The following AK3 variants were observed in gnomAD, a reference collection of about 807,000 sequenced individuals.
The protein encoded by AK3 is GTP:AMP phosphotransferase AK3, mitochondrial.
In AK3, 27 loss-of-function variants were observed where a neutral mutation model predicts 23.7. The observed-to-expected ratio is 1.14, with a 90% confidence interval of 0.84 to 1.57. The LOEUF is 1.57. Among genes scored for constraint, AK3 ranks in the 40% most tolerant of loss-of-function variants. The probability of loss-of-function intolerance (pLI) is 0.00; values close to 1 mark genes in which losing one functional copy is unlikely to be tolerated. For synonymous variants in AK3, 159 were observed against 116.0 expected (o/e 1.37, Z -2.38); for missense variants, 406 against 285.6 (o/e 1.42, Z -3.04).
rs10758645 is a variant in AK3 at position 4,722,685 on chromosome 9, C to A, written c.152-60G>T. 1.0e-5 allele frequency: 16 copies of A among 1,607,492 alleles called. No individual in the cohort carries two copies. In the East Asian group the frequency reaches 2.2e-4, roughly 22 times the overall value. Reference sequence around the variant, plus strand: ...ATTTGTTTTATCCCATTCCAGGCACCTCGGAACGAGTTGCCTAAAGGGGAA... The same window carrying A: ...ATTTGTTTTATCCCATTCCAGGCACATCGGAACGAGTTGCCTAAAGGGGAA... On this transcript the variant is annotated intron_variant, in intron 1 of 4. Coordinates refer to ENST00000381809, the MANE Select transcript of AK3 (RefSeq NM_016282.4).
intron 4 of AK3, among the ~76,000 whole-genome samples, chr9:4,717,685 A>G (rs954308060): frequency 1.3e-5 from 2 of 152,238 alleles, no homozygotes; most frequent in African/African-American, 4.8e-5. Context: ...TTTCAATTTC[A>G]GTACAATATT....
chr9:4,720,301 T>G (rs1311252162), intron 2 of AK3, among the ~76,000 whole-genome samples: 2 of 152,192 alleles, frequency 1.3e-5, no homozygotes, highest in Non-Finnish European at 2.9e-5. Flanking sequence ...GATCACAAAC[T>G]TCTGACTTTG....
At chr9:4,723,089 A>AAAAACG (rs1430255369) in intron 1 of AK3, among the ~76,000 whole-genome samples, 1 of 152,234 alleles carries the variant, frequency 6.6e-6, no homozygotes, top group African/African-American at 2.4e-5. Flanking sequence ...AAACAAAAAC[A>AAAAACG]AAGGTTACAA....
At chr9:4,740,577 G>C (rs952162034) in intron 1 of AK3, among the ~76,000 whole-genome samples, 1 of 152,196 alleles carries the variant, frequency 6.6e-6, no homozygotes, top group African/African-American at 2.4e-5. Flanking sequence ...GTCTTCCAAA[G>C]GCACCAGCAC....
Position 4,710,240 on chromosome 9 carries a change from C to T in AK3, c.*2736G>A, listed in dbSNP as rs1214394128. On this transcript the variant is annotated 3_prime_UTR_variant, in exon 5 of 5. Coordinates refer to ENST00000381809, the MANE Select transcript of AK3 (RefSeq NM_016282.4). ...CTTTTTTTTTTGAGACGGAGTCTCC[C>T]TCTGTCGCCCAGGCTGGAGTGCAGT... 6.6e-6 allele frequency: 1 copy of T among 152,278 alleles called. No homozygotes were observed. Among genetic ancestry groups the T allele is most frequent in the Non-Finnish European group, 1.5e-5 (1 of 68,144 alleles). The allele number at this position is 152,278 out of a possible 1,614,324, so 9.4% of individuals were successfully genotyped here.
At chr9:4,738,903 C>T (rs1842359050) in intron 1 of AK3, among the ~76,000 whole-genome samples, 1 of 151,704 alleles carries the variant, frequency 6.6e-6, no homozygotes, top group African/African-American at 2.4e-5. Flanking sequence ...TCCAGAGAAG[C>T]TGGGACCACA....
intron 4 of AK3, among the ~76,000 whole-genome samples, chr9:4,717,456 T>C (rs1246185703): frequency 1.3e-5 from 2 of 152,214 alleles, no homozygotes; most frequent in East Asian, 1.9e-4. Flanking sequence ...AGGGATTAGC[T>C]GCCATCTGAG....
Position 4,718,438 on chromosome 9 carries a change from G to A in AK3, c.544C>T (p.Pro182Ser). The stretch of plus-strand genomic sequence containing the variant: ...ACTCACTGGTAATATTCCAGGACTG[G>A]CTTTGTTTGGTCTTCATAAGCCTTT... The part of the protein sequence containing the change: ...RLKAYEDQTK[P>S]VLEYYQKKGV... Residue 182 changes from proline to serine, a missense_variant, in exon 4 of 5, where the codon CCA becomes TCA. Physicochemically the swap from Pro to Ser is moderately conservative, Grantham distance 74. Transcript: ENST00000381809. The A allele has an allele frequency of 6.2e-7, 1 of 1,612,448 alleles. No individual in the cohort carries two copies. Among genetic ancestry groups the A allele is most frequent in the Non-Finnish European group, 8.5e-7 (1 of 1,179,554 alleles).
intron 2 of AK3, among the ~76,000 whole-genome samples, chr9:4,721,005 G>C (rs1841881032): frequency 1.3e-5 from 2 of 151,988 alleles, no homozygotes; most frequent in African/African-American, 2.4e-5. Context: ...CCCACAAATG[G>C]GAATGTTTTT....
rs764825590 is a variant in AK3 at position 4,719,297 on chromosome 9, C to A, written c.282G>T (p.Arg94Ser). 1 of 1,429,668 alleles carries A rather than the reference C, an allele frequency of 7.0e-7. No individual in the cohort carries two copies. The highest frequency in any genetic ancestry group is 9.3e-7 in the Non-Finnish European group (1 of 1,070,578). The allele number at this position is 1,429,668 out of a possible 1,614,324, so 88.6% of individuals were successfully genotyped here. A position where few individuals can be genotyped will look rare whatever the true frequency, so the allele number is the denominator to read the frequency against. The change falls in exon 3 of 5, where the codon AGG becomes AGT. Residue 94 changes from arginine (R) to serine (S), a missense_variant. Physicochemically the swap from Arg to Ser is moderately radical, Grantham distance 110. Coordinates refer to ENST00000381809, the MANE Select transcript of AK3 (RefSeq NM_016282.4). ...CTAGGGCTTCTGCCTGTGGAAGTGT[C>A]CTTGGAAAACCTTTATAAAGTAAAA... The part of the protein sequence containing the change: ...QYSWLLDGFP[R>S]TLPQAEALDR...
intron 1 of AK3, among the ~76,000 whole-genome samples, chr9:4,737,898 C>G (rs1181657627): frequency 2.0e-5 from 3 of 152,074 alleles, no homozygotes; most frequent in African/African-American, 7.2e-5. Flanking sequence ...TAAACCTTAG[C>G]TATAAAATAC....
At chr9:4,723,493 T>C (rs577864074) in intron 1 of AK3, among the ~76,000 whole-genome samples, 10 of 152,330 alleles carry the variant, frequency 6.6e-5, no homozygotes, top group African/African-American at 1.4e-4. Context: ...AAATGATTTA[T>C]GAACAATTTA....
intron 1 of AK3, among the ~76,000 whole-genome samples, chr9:4,738,905 G>C (rs927250465): frequency 6.6e-6 from 1 of 151,186 alleles, no homozygotes; most frequent in Non-Finnish European, 1.5e-5. Context: ...CAGAGAAGCT[G>C]GGACCACAGG....
rs1201032436 is a variant in AK3, at chr9:4,741,153, C to T, written c.-66G>A. 4 of 1,332,118 alleles carry T rather than the reference C, an allele frequency of 3.0e-6. No homozygotes were observed. Among genetic ancestry groups the T allele is most frequent in the Non-Finnish European group, 3.9e-6 (4 of 1,038,920 alleles). 82.5% of individuals were successfully genotyped at this position (1,332,118 alleles called of 1,614,324 possible). On this transcript the variant is annotated 5_prime_UTR_variant, in exon 1 of 5. Coordinates refer to ENST00000381809, the MANE Select transcript of AK3 (RefSeq NM_016282.4). ...TTGGCCTGGCCTGCGCGCTCACCCG[C>T]TCGGCAGCCTGCGCCGGCCGGCTAG...
At chr9:4,721,220 T>C (rs974231182) in intron 2 of AK3, among the ~76,000 whole-genome samples, 2 of 152,006 alleles carry the variant, frequency 1.3e-5, no homozygotes, top group South Asian at 2.1e-4. Flanking sequence ...CTGGCCAACA[T>C]AGTGAAACCC....
chr9:4,726,329 T>C (rs896631577), intron 1 of AK3, among the ~76,000 whole-genome samples: 6 of 152,232 alleles, frequency 3.9e-5, no homozygotes, highest in African/African-American at 1.4e-4. Context: ...TGTTGTGTGA[T>C]AGTATTTTAT....
intron 1 of AK3, among the ~76,000 whole-genome samples, chr9:4,726,455 G>C (rs956720235): frequency 2.6e-5 from 4 of 152,132 alleles, no homozygotes; most frequent in African/African-American, 9.7e-5. Flanking sequence ...AATGCTCACA[G>C]CATCTTCACC....
chr9:4,717,065 T>C (rs1841755889), intron 4 of AK3, among the ~76,000 whole-genome samples: 1 of 152,176 alleles, frequency 6.6e-6, no homozygotes, highest in African/African-American at 2.4e-5. Context: ...GTTCTAAGAG[T>C]TACCCATATT....
At chr9:4,728,986 T>TATACAC (rs1554627051) in intron 1 of AK3, among the ~76,000 whole-genome samples, 8 of 84,084 alleles carry the variant, frequency 9.5e-5, no homozygotes, top group African/African-American at 2.6e-4. Flanking sequence ...TACATATATA[T>TATACAC]ACACACACAC....
Sources: gnomAD v4.1 joint callset for allele counts (sites outside exome capture counted in the v4.1 genomes callset) on GRCh38, gnomAD v4.1.1 for gene constraint, MANE v1.5 for transcripts, NCBI Gene and HGNC (gene_info 2026-07-23, HGNC 2026-07-21) for gene names.